Variants in SLC25A21 observed in about 807,000 individuals in gnomAD.
SLC25A21 encodes solute carrier family 25 member 21.
A neutral mutation model predicts 43.8 loss-of-function variants in SLC25A21; 47 were observed. The observed-to-expected ratio is 1.07, with a 90% CI of 0.85 to 1.37. The LOEUF (loss-of-function observed/expected upper bound fraction) is 1.37, where lower values mean the gene tolerates loss of function less well. Ranked by LOEUF, SLC25A21 falls within the 40% of genes most tolerant of loss-of-function variation. The probability of loss-of-function intolerance (pLI) is 0.00; values close to 1 mark genes in which losing one functional copy is unlikely to be tolerated. For synonymous variants in SLC25A21, 131 were observed against 121.3 expected (o/e 1.08, Z -0.52); for missense variants, 352 against 350.2 (o/e 1.00, Z -0.04).
At chr14:37,132,540 TCTGACGCCA>T (rs1209397471) in intron 1 of SLC25A21, among the ~76,000 whole-genome samples, 9 of 152,190 alleles carry the variant, frequency 5.9e-5, no homozygotes, top group Non-Finnish European at 1.2e-4. Context: ...TGAAAGAGCT[TCTGACGCCA>T]CTGACTTCCT....
rs759670350 is a variant in SLC25A21, at chr14:37,104,543, TAATAC to T, written c.70+67733_70+67737del. ...CTTTGGCATTATTTTCTAATCAACA[TAATAC>T]GAAAATAGCTATATATTTATATTAC... is the stretch of plus-strand genomic sequence containing the variant. On this transcript the variant is annotated intron_variant, in intron 1 of 9. Coordinates refer to ENST00000331299, the MANE Select transcript of SLC25A21 (RefSeq NM_030631.4). Among the ~76,000 whole-genome samples the T allele has an allele frequency of 2.8e-4, 42 of 152,316 alleles. 1 individual carries two copies. Among genetic ancestry groups the T allele is most frequent in the Non-Finnish European group, 5.6e-4 (38 of 68,028 alleles).
At chr14:36,872,439 T>C (rs188381297) in intron 2 of SLC25A21, among the ~76,000 whole-genome samples, 6 of 152,310 alleles carry the variant, frequency 3.9e-5, no homozygotes, top group African/African-American at 9.6e-5. Context: ...TCATCTCCTG[T>C]ATAATGTGAT....
chr14:37,152,029 C>T (rs965879512), intron 1 of SLC25A21, among the ~76,000 whole-genome samples: 2 of 152,074 alleles, frequency 1.3e-5, no homozygotes, highest in Admixed American at 6.5e-5. Context: ...AGAGAAACCC[C>T]ATCTCAAAAA....
At chr14:37,085,257 T>G (rs1962462598) in intron 1 of SLC25A21, among the ~76,000 whole-genome samples, 1 of 152,144 alleles carries the variant, frequency 6.6e-6, no homozygotes. Context: ...ATGACATCAG[T>G]TTTTGCCCCA....
intron 3 of SLC25A21, among the ~76,000 whole-genome samples, chr14:36,777,616 G>A (rs1016229280): frequency 2.0e-5 from 3 of 152,136 alleles, no homozygotes; most frequent in Admixed American, 1.3e-4. Flanking sequence ...CTGGAATTAT[G>A]GTGTCACTAG....
At position 37,031,620 on chromosome 14, in the gene SLC25A21, C is replaced by T. The variant is rs766058284; in HGVS notation, c.70+140661G>A. Among the ~76,000 whole-genome samples, 5 of 152,176 alleles carry T rather than the reference C, an allele frequency of 3.3e-5. No homozygotes were observed. The South Asian group carries it at 1.0e-3, about 32-fold the overall frequency. ...TTTCTTATCCTATGAATACTGGTAA[C>T]CATATCGAAAGCTAGGGCCTTTACT... On this transcript the variant is annotated intron_variant, in intron 1 of 9. Transcript: ENST00000331299.
chr14:36,867,564 G>C (rs1466981907), intron 2 of SLC25A21, among the ~76,000 whole-genome samples: 1 of 152,128 alleles, frequency 6.6e-6, no homozygotes, highest in African/African-American at 2.4e-5. Flanking sequence ...CTTCTGCCCA[G>C]AAGGATGCTC....
At chr14:37,145,238 T>A (rs779018948) in intron 1 of SLC25A21, among the ~76,000 whole-genome samples, 16 of 151,934 alleles carry the variant, frequency 1.1e-4, no homozygotes, top group Non-Finnish European at 2.1e-4. Flanking sequence ...AGAATCCCCA[T>A]AGAATACTAC....
At chr14:37,169,520 TTTTC>T (rs1208503092) in intron 1 of SLC25A21, among the ~76,000 whole-genome samples, 1 of 151,742 alleles carries the variant, frequency 6.6e-6, no homozygotes, top group Non-Finnish European at 1.5e-5. Flanking sequence ...TCCCAGTTTC[TTTTC>T]TTTTTCACCT....
chr14:36,950,930 A>G (rs1892794320), intron 1 of SLC25A21, among the ~76,000 whole-genome samples: 1 of 152,176 alleles, frequency 6.6e-6, no homozygotes, highest in Non-Finnish European at 1.5e-5. Flanking sequence ...GCAGCAAGGA[A>G]TGCATATTCT....
At chr14:37,057,169 T>C (rs1472905660) in intron 1 of SLC25A21, among the ~76,000 whole-genome samples, 1 of 152,160 alleles carries the variant, frequency 6.6e-6, no homozygotes, top group African/African-American at 2.4e-5. Flanking sequence ...TACAATAATC[T>C]CTGTTTAGTC....
At chr14:36,910,637 A>G (rs76739214) in intron 1 of SLC25A21, among the ~76,000 whole-genome samples, 2,413 of 152,328 alleles carry the variant, frequency 0.016, 60 homozygotes, top group African/African-American at 0.054. Context: ...GGGGGAATTC[A>G]ATAGATGGTT....
intron 1 of SLC25A21, among the ~76,000 whole-genome samples, chr14:36,996,676 T>C (rs1960378955): frequency 6.6e-6 from 1 of 151,818 alleles, no homozygotes; most frequent in African/African-American, 2.4e-5. Flanking sequence ...CTGGAACAAT[T>C]AGGTGGAGGA....
chr14:36,712,257 G>T (rs1390374744), intron 6 of SLC25A21, among the ~76,000 whole-genome samples: 4 of 151,878 alleles, frequency 2.6e-5, no homozygotes, highest in Admixed American at 6.6e-5. Flanking sequence ...AAAAAAAAAT[G>T]TATGAGTGGT....
At chr14:37,103,601 G>T (rs1962857380) in intron 1 of SLC25A21, among the ~76,000 whole-genome samples, 1 of 152,190 alleles carries the variant, frequency 6.6e-6, no homozygotes, top group Admixed American at 6.5e-5. Context: ...CAGGCTGAGT[G>T]GGTATTCAAA....
intron 3 of SLC25A21, among the ~76,000 whole-genome samples, chr14:36,747,809 C>T (rs1023990066): frequency 6.6e-6 from 1 of 152,152 alleles, no homozygotes; most frequent in African/African-American, 2.4e-5. Context: ...CATTGTCCCA[C>T]CCCTGCCAAA....
chr14:37,147,325 A>G (rs935709247), intron 1 of SLC25A21, among the ~76,000 whole-genome samples: 3 of 152,266 alleles, frequency 2.0e-5, no homozygotes, highest in African/African-American at 7.2e-5. Flanking sequence ...CATATTTGAA[A>G]GAAATGTCAA....
chr14:36,770,467 T>A (rs1886577634), intron 3 of SLC25A21, among the ~76,000 whole-genome samples: 1 of 152,134 alleles, frequency 6.6e-6, no homozygotes, highest in Non-Finnish European at 1.5e-5. Context: ...AACCTCAGTA[T>A]CACGCAATAC....
At chr14:37,115,440 C>A (rs1963090108) in intron 1 of SLC25A21, among the ~76,000 whole-genome samples, 1 of 152,094 alleles carries the variant, frequency 6.6e-6, no homozygotes, top group South Asian at 2.1e-4. Context: ...GAGGACGGCC[C>A]CTGCATGGAA....
Sources: allele counts gnomAD v4.1 joint callset (sites outside exome capture counted in the v4.1 genomes callset), GRCh38; gene constraint gnomAD v4.1.1; transcripts MANE v1.5; gene names NCBI Gene and HGNC (gene_info 2026-07-23, HGNC 2026-07-21).